Variants in SMCHD1 observed in about 807,000 individuals in gnomAD.
SMCHD1 encodes the protein structural maintenance of chromosomes flexible hinge domain-containing protein 1.
A neutral mutation model predicts 254.7 loss-of-function variants in SMCHD1; 78 were observed. The ratio of observed to expected loss-of-function variants is 0.31; its 90% confidence interval spans 0.26 to 0.37. SMCHD1 has a LOEUF of 0.37. SMCHD1 is among the 10% of genes least tolerant of loss of function. The pLI, the probability that SMCHD1 is intolerant of heterozygous loss-of-function variation, is 1.00. For synonymous variants in SMCHD1, 766 were observed against 794.9 expected (o/e 0.96, Z 0.61); for missense variants, 1,840 against 2,408.1 (o/e 0.76, Z 4.94).
intron 19 of SMCHD1, among the ~76,000 whole-genome samples, chr18:2,719,068 A>G (rs1246967781): frequency 2.6e-5 from 4 of 151,018 alleles, no homozygotes; most frequent in African/African-American, 9.7e-5. Flanking sequence ...ATTCAATTGT[A>G]TGATTTAGCA....
rs1408042366 is a variant in SMCHD1, at chr18:2,656,033, C to A, written c.-43C>A. On this transcript the variant is annotated 5_prime_UTR_variant, in exon 1 of 48. Transcript: ENST00000320876. The stretch of plus-strand genomic sequence containing the variant: ...CGGAGCGCGCACCTCAGCCCTGAGC[C>A]CGGCGGCGGCAGGCGTCGCTGTCTT... 2.3e-6 allele frequency: 3 copies of A among 1,305,568 alleles called. No individual in the cohort carries two copies. Among genetic ancestry groups the A allele is most frequent in the Non-Finnish European group, 2.9e-6 (3 of 1,025,098 alleles). The allele number at this position is 1,305,568 out of a possible 1,614,324, so 80.9% of individuals were successfully genotyped here.
At position 2,796,390 on chromosome 18, in the gene SMCHD1, AT is replaced by A; in HGVS notation, c.5879-13del. 6.9e-7 allele frequency: 1 copy of A among 1,454,744 alleles called. No individual in the cohort carries two copies. Among genetic ancestry groups the A allele is most frequent in the Non-Finnish European group, 9.4e-7 (1 of 1,068,318 alleles). 90.1% of individuals were successfully genotyped at this position (1,454,744 alleles called of 1,614,324 possible). A position where few individuals can be genotyped will look rare whatever the true frequency, so the allele number is the denominator to read the frequency against. On this transcript the variant is annotated splice_polypyrimidine_tract_variant and intron_variant, in intron 46 of 47. Transcript: ENST00000320876. ...TTTTATTGTAAATTTAACTTTCTAC[AT>A]TTTCCATCTTCACAGGTATGACTCC...
chr18:2,783,469 CTT>C (rs2076190908), intron 44 of SMCHD1, among the ~76,000 whole-genome samples: 1 of 152,036 alleles, frequency 6.6e-6, no homozygotes, highest in African/African-American at 2.4e-5. Context: ...TGAAGTTTAA[CTT>C]TTATTTTTTA....
chr18:2,738,631 A>C (rs2075294538), intron 26 of SMCHD1, 86 bp downstream of exon 26: 1 of 1,131,756 alleles, frequency 8.8e-7, no homozygotes, highest in South Asian at 1.9e-5. Context: ...TTTAATGTAA[A>C]AATATTACGG....
At chr18:2,788,543 G>A (rs113835155) in intron 45 of SMCHD1, among the ~76,000 whole-genome samples, 3,172 of 152,236 alleles carry the variant, frequency 0.021, 41 homozygotes, top group African/African-American at 0.035. Context: ...TTGCCTCAGT[G>A]AGCATTGTAT....
chr18:2,679,222 G>A (rs1187597475), intron 5 of SMCHD1, among the ~76,000 whole-genome samples: 1 of 147,246 alleles, frequency 6.8e-6, no homozygotes, highest in East Asian at 2.1e-4. Flanking sequence ...GCTCGCACCT[G>A]TAATCCCAGC....
At chr18:2,705,853 C>A (rs1041138375) in intron 14 of SMCHD1, 46 bp downstream of exon 14, 4 of 1,136,370 alleles carry the variant, frequency 3.5e-6, no homozygotes, top group South Asian at 1.4e-5. Flanking sequence ...CTTGATAACA[C>A]TTTTGCATAA....
At chr18:2,683,313 T>G (rs2073972100) in intron 5 of SMCHD1, among the ~76,000 whole-genome samples, 1 of 152,200 alleles carries the variant, frequency 6.6e-6, no homozygotes, top group African/African-American at 2.4e-5. Context: ...CTCACAAGTT[T>G]TGTTACACTG....
At chr18:2,732,095 T>G (rs1048813444) in intron 24 of SMCHD1, among the ~76,000 whole-genome samples, 170 bp from the exon 25 acceptor site, 1 of 152,242 alleles carries the variant, frequency 6.6e-6, no homozygotes, top group Non-Finnish European at 1.5e-5. Context: ...ATTTATAACC[T>G]GATGGTATAA....
intron 44 of SMCHD1, among the ~76,000 whole-genome samples, chr18:2,782,999 CTTAATTACATT>C (rs2076181732): frequency 6.6e-6 from 1 of 152,078 alleles, no homozygotes; most frequent in South Asian, 2.1e-4. Context: ...AAATAACCAT[CTTAATTACATT>C]TACTTTATCT....
chr18:2,752,758 T>C (rs1568311342), intron 34 of SMCHD1: 1 of 465,034 alleles, frequency 2.2e-6, no homozygotes, highest in Non-Finnish European at 3.9e-6. Flanking sequence ...AAATTGTAAT[T>C]GTATTTGCTT....
chr18:2,799,130 C>T (rs2076314716), intron 47 of SMCHD1, among the ~76,000 whole-genome samples: 1 of 151,916 alleles, frequency 6.6e-6, no homozygotes, highest in African/African-American at 2.4e-5. Context: ...TTTAAATTCT[C>T]TAGAAGCCAT....
intron 25 of SMCHD1, among the ~76,000 whole-genome samples, chr18:2,734,809 C>T (rs1235130358): frequency 6.6e-6 from 1 of 151,986 alleles, no homozygotes; most frequent in African/African-American, 2.4e-5. Context: ...GTGGCTCACA[C>T]CTGTAATCCT....
chr18:2,773,104 C>A (rs1437292443), intron 41 of SMCHD1, among the ~76,000 whole-genome samples: 1 of 152,174 alleles, frequency 6.6e-6, no homozygotes, highest in African/African-American at 2.4e-5. Flanking sequence ...CACAAATATA[C>A]TGTCCACTGA....
At position 2,729,292 on chromosome 18, in the gene SMCHD1, C is replaced by T; in HGVS notation, c.2931C>T (p.Asn977=). Reference sequence around the variant, plus strand: ...TCAAATAGTTTTCAGGTGCTCCAAACCTTCCAGTCTATGTTGTAGATTGCA... The same window carrying T: ...TCAAATAGTTTTCAGGTGCTCCAAATCTTCCAGTCTATGTTGTAGATTGCA... ...IVHCKFSGAP[N]LPVYVVDCSS... The change falls in exon 24 of 48, where the codon AAC becomes AAT. Residue 977 remains asparagine, a synonymous_variant. Coordinates refer to ENST00000320876, the MANE Select transcript of SMCHD1 (RefSeq NM_015295.3). The T allele has an allele frequency of 1.3e-6, 2 of 1,507,842 alleles. No individual in the cohort carries two copies. The highest frequency in any genetic ancestry group is 1.8e-6 in the Non-Finnish European group (2 of 1,130,434). The allele number at this position is 1,507,842 out of a possible 1,614,324, so 93.4% of individuals were successfully genotyped here.
intron 4 of SMCHD1, 129 bp from the exon 5 acceptor site, chr18:2,673,886 G>GT (rs779930886): frequency 2.4e-4 from 209 of 873,074 alleles, no homozygotes; most frequent in Non-Finnish European, 1.4e-4. Context: ...TCAGAAAATT[G>GT]TATTAATTTG....
chr18:2,782,573 C>CTG (rs2076172546), intron 44 of SMCHD1, among the ~76,000 whole-genome samples: 1 of 151,008 alleles, frequency 6.6e-6, no homozygotes, highest in South Asian at 2.1e-4. Flanking sequence ...GACGCCAACT[C>CTG]TACAAAGTTT....
intron 2 of SMCHD1, among the ~76,000 whole-genome samples, chr18:2,666,487 A>G (rs1459456100): frequency 3.3e-5 from 5 of 152,214 alleles, no homozygotes; most frequent in African/African-American, 1.2e-4. Context: ...TTCTGAAGCT[A>G]ATTTTGCTAA....
At position 2,656,069 on chromosome 18, in the gene SMCHD1, C is replaced by G; in HGVS notation, c.-7C>G. 5.8e-6 allele frequency: 8 copies of G among 1,390,572 alleles called. No individual in the cohort carries two copies. Among genetic ancestry groups the G allele is most frequent in the Non-Finnish European group, 7.5e-6 (8 of 1,068,562 alleles). The allele number at this position is 1,390,572 out of a possible 1,614,324, so 86.1% of individuals were successfully genotyped here. On this transcript the variant is annotated 5_prime_UTR_variant, in exon 1 of 48. Coordinates refer to ENST00000320876, the MANE Select transcript of SMCHD1 (RefSeq NM_015295.3). ...AGGCGTCGCTGTCTTTTCTCCTTTT[C>G]CCCAATATGGCAGCGGCGGACGGCG...
Sources: gnomAD v4.1 joint callset for allele counts (sites outside exome capture counted in the v4.1 genomes callset) on GRCh38, gnomAD v4.1.1 for gene constraint, MANE v1.5 for transcripts, NCBI Gene and HGNC (gene_info 2026-07-23, HGNC 2026-07-21) for gene names.